The following CLCC1 variants were observed in gnomAD, a reference collection of about 807,000 sequenced individuals.
CLCC1 encodes chloride channel CLIC like 1, also known as chloride channel CLIC-like protein 1.
A neutral mutation model predicts 63.3 loss-of-function variants in CLCC1; 39 were observed. The ratio of observed to expected loss-of-function variants is 0.62; its 90% CI spans 0.48 to 0.81. The LOEUF (loss-of-function observed/expected upper bound fraction) is 0.81. Among genes scored for constraint, CLCC1 ranks in the 30% least tolerant of loss-of-function variants. The pLI, the probability that CLCC1 is intolerant of heterozygous loss-of-function variation, is 0.00. For missense variants in CLCC1, 549 were observed against 669.4 expected (o/e 0.82, Z 1.98); for synonymous variants, 217 against 239.8 (o/e 0.90, Z 0.88).
rs564259730 is a variant in CLCC1 at position 108,950,165 on chromosome 1, A to AT, written c.129+143dup. ...CCAGGTAGGTTTGAAATAATTTTAG[A>AT]TTAACAGTGTCAAGAAAATATTCTG... On this transcript the variant is annotated intron_variant, in intron 3 of 12. Coordinates refer to ENST00000369969, the MANE Select transcript of CLCC1 (RefSeq NM_001377458.1). 537 of 862,272 alleles carry AT rather than the reference A, an allele frequency of 6.2e-4. 5 individuals are homozygous for AT. In the African/African-American group the frequency reaches 8.5e-3, roughly 14 times the overall value. The allele number at this position is 862,272 out of a possible 1,614,324, so 53.4% of individuals were successfully genotyped here.
At position 108,950,401 on chromosome 1, in the gene CLCC1, G is replaced by A. The variant is rs780313648; in HGVS notation, c.37C>T (p.Leu13=). ...TCATCATGAGCATAACCAGCTACCAGCAACAGACATTCACAAAGGAGCAAA... is the reference window on the plus strand; with the variant it reads ...TCATCATGAGCATAACCAGCTACCAACAACAGACATTCACAAAGGAGCAAA... The part of the protein sequence containing the change: ...CSLLLCECLL[L]VAGYAHDDDW... The change falls in exon 3 of 13, where the codon CTG becomes TTG. Residue 13 remains leucine, a synonymous_variant. Transcript: ENST00000369969. The A allele has an allele frequency of 1.6e-5, 26 of 1,610,576 alleles. No individual in the cohort carries two copies. The highest frequency in any genetic ancestry group is 2.2e-5 in the Non-Finnish European group (26 of 1,177,930).
At chr1:108,959,369 A>T (rs1031590037) in intron 2 of CLCC1, among the ~76,000 whole-genome samples, 1 of 151,660 alleles carries the variant, frequency 6.6e-6, no homozygotes, top group African/African-American at 2.4e-5. Flanking sequence ...AAAAAAAAAA[A>T]TTAAAGAAAA....
intron 2 of CLCC1, among the ~76,000 whole-genome samples, chr1:108,961,352 G>A (rs1656614810): frequency 6.7e-6 from 1 of 148,890 alleles, no homozygotes; most frequent in South Asian, 2.2e-4. Context: ...CTTCTAACAA[G>A]CTCCTGGTGA....
chr1:108,944,517 T>C (rs1387984404), intron 5 of CLCC1, among the ~76,000 whole-genome samples: 1 of 151,758 alleles, frequency 6.6e-6, no homozygotes, highest in East Asian at 1.9e-4. Flanking sequence ...CAGGCCAACA[T>C]GAAAACCAAA....
chr1:108,949,457 G>A (rs1324797366), intron 4 of CLCC1, among the ~76,000 whole-genome samples: 1 of 152,132 alleles, frequency 6.6e-6, no homozygotes, highest in Admixed American at 6.5e-5. Flanking sequence ...GCTGGTAATA[G>A]ACACATTTCT....
intron 2 of CLCC1, among the ~76,000 whole-genome samples, chr1:108,955,825 C>G (rs970363453): frequency 1.3e-5 from 2 of 151,546 alleles, no homozygotes; most frequent in African/African-American, 4.9e-5. Context: ...TTTGGAATCC[C>G]AGACTTAAAC....
In CLCC1 at chr1:108,937,081, G is replaced by C; in HGVS notation, c.1379C>G (p.Pro460Arg). Reference protein sequence around the residue: ...AEAREHPTVVPSHKSPVLDTK... With the variant: ...AEAREHPTVVRSHKSPVLDTK... The stretch of plus-strand genomic sequence containing the variant: ...ATAAAAGAGTTGCTGACTTACACTG[G>C]GTACCACCGTGGGATGCTCTCGTGC... The change falls in exon 11 of 13, where the codon CCC becomes CGC. Residue 460 changes from proline to arginine, a missense_variant. By Grantham distance (103) the Pro-to-Arg change is moderately radical. Coordinates refer to ENST00000369969, the MANE Select transcript of CLCC1 (RefSeq NM_001377458.1). 6.7e-7 allele frequency: 1 copy of C among 1,500,698 alleles called. No individual in the cohort carries two copies. 93.0% of individuals were successfully genotyped at this position (1,500,698 alleles called of 1,614,324 possible).
Position 108,950,337 on chromosome 1 carries a change from G to A in CLCC1, c.101C>T (p.Ala34Val). ...IDPTDMLNYD[A>V]ASGTMRKSQA... ...AGATTTTCTCATTGTTCCTGAAGCA[G>A]CATCATAGTTAAGCATGTCTGTGGG... Residue 34 changes from alanine to valine, a missense_variant, in exon 3 of 13, where the codon GCT (alanine) becomes GTT (valine). Physicochemically the swap from Ala to Val is moderately conservative, Grantham distance 64. Transcript: ENST00000369969. The A allele has an allele frequency of 6.2e-7, 1 of 1,612,704 alleles. No homozygotes were observed. Among genetic ancestry groups the A allele is most frequent in the Non-Finnish European group, 8.5e-7 (1 of 1,179,334 alleles).
chr1:108,938,107 C>T (rs1045007270), intron 10 of CLCC1, among the ~76,000 whole-genome samples: 2 of 152,158 alleles, frequency 1.3e-5, no homozygotes, highest in East Asian at 1.9e-4. Context: ...GTGTACAGTA[C>T]TCGTATGTTT....
rs1320818811 is a variant in CLCC1, at chr1:108,963,429, G to T, written c.-241C>A. Reference sequence around the variant, plus strand: ...GGCCGGCCGCAGAAGAGGTCGCACAGCTTGCCGCCGCCCAGGGTTTCAGCG... The same window carrying T: ...GGCCGGCCGCAGAAGAGGTCGCACATCTTGCCGCCGCCCAGGGTTTCAGCG... On this transcript the variant is annotated 5_prime_UTR_variant, in exon 1 of 13. The change creates a new upstream start codon in the 5' untranslated region. Transcript: ENST00000369969. 2.8e-6 allele frequency: 2 copies of T among 702,340 alleles called. No individual in the cohort carries two copies. Among genetic ancestry groups the T allele is most frequent in the Non-Finnish European group, 5.2e-6 (2 of 384,894 alleles). The allele number at this position is 702,340 out of a possible 1,614,324, so 43.5% of individuals were successfully genotyped here. A position where few individuals can be genotyped will look rare whatever the true frequency, so the allele number is the denominator to read the frequency against.
At chr1:108,949,663 T>C (rs2101681600) in intron 4 of CLCC1, among the ~76,000 whole-genome samples, 157 bp downstream of exon 4, 1 of 152,070 alleles carries the variant, frequency 6.6e-6, no homozygotes, top group East Asian at 1.9e-4. Flanking sequence ...GAATAACTAA[T>C]AAGAAACCAA....
chr1:108,952,873 G>C (rs553801026), intron 2 of CLCC1, among the ~76,000 whole-genome samples: 2 of 151,770 alleles, frequency 1.3e-5, no homozygotes, highest in Admixed American at 1.3e-4. Flanking sequence ...AAACCATTCA[G>C]AGAAAATAAC....
At chr1:108,940,172 C>A (rs773340908) in intron 8 of CLCC1, 30 bp from the exon 9 acceptor site, 6 of 1,438,338 alleles carry the variant, frequency 4.2e-6, no homozygotes, top group Admixed American at 1.8e-5. Context: ...AAACACTGAT[C>A]ATTTCTTTTA....
At chr1:108,941,321 G>T (rs903343948) in intron 8 of CLCC1, 84 bp downstream of exon 8, 2 of 1,240,386 alleles carry the variant, frequency 1.6e-6, no homozygotes, top group African/African-American at 3.0e-5. Flanking sequence ...AAAGCCTCCT[G>T]TTATTTTATC....
In CLCC1 at chr1:108,929,852, G is replaced by C; in HGVS notation, c.*2695C>G. 1 of 1,613,900 alleles carries C rather than the reference G, an allele frequency of 6.2e-7. No individual in the cohort carries two copies. Among genetic ancestry groups the C allele is most frequent in the African/African-American group, 1.3e-5 (1 of 75,028 alleles). On this transcript the variant is annotated 3_prime_UTR_variant, in exon 13 of 13. Coordinates refer to ENST00000369969, the MANE Select transcript of CLCC1 (RefSeq NM_001377458.1). ...GTTCTTTTACAAAGAGATCAAAACAGAGACACTGACTTTGGGCTAAAGGAC... is the reference window on the plus strand; with the variant it reads ...GTTCTTTTACAAAGAGATCAAAACACAGACACTGACTTTGGGCTAAAGGAC...
At chr1:108,934,538 A>C (rs958747146) in intron 12 of CLCC1, 87 bp downstream of exon 12, 2 of 1,001,576 alleles carry the variant, frequency 2.0e-6, no homozygotes, top group South Asian at 3.7e-5. Flanking sequence ...TGAATGTTGA[A>C]GTTGAAATGT....
At chr1:108,947,478 G>A (rs1340255351) in intron 5 of CLCC1, 133 bp downstream of exon 5, 5 of 589,148 alleles carry the variant, frequency 8.5e-6, no homozygotes, top group Non-Finnish European at 1.5e-5. Context: ...TGAATGAATA[G>A]CTTCTGGTTA....
intron 8 of CLCC1, 126 bp downstream of exon 8, chr1:108,941,279 A>G (rs892523501): frequency 1.2e-6 from 1 of 839,206 alleles, no homozygotes; most frequent in Admixed American, 2.5e-5. Context: ...TGCTTCTTGC[A>G]TGTTCTTCTG....
chr1:108,939,600 C>T (rs11587730), intron 10 of CLCC1, 36 bp downstream of exon 10: 54,941 of 1,595,524 alleles, frequency 0.034, 1,284 homozygotes, highest in Middle Eastern at 0.048. Flanking sequence ...TGAGCCACCG[C>T]GCCTGGCCCG....
Sources: gnomAD v4.1 joint callset for allele counts (sites outside exome capture counted in the v4.1 genomes callset) on GRCh38, gnomAD v4.1.1 for gene constraint, MANE v1.5 for transcripts, NCBI Gene and HGNC (gene_info 2026-07-23, HGNC 2026-07-21) for gene names.